PCGF1: variants seen among roughly 807,000 people sequenced by gnomAD.
The protein encoded by PCGF1 is polycomb group RING finger protein 1.
In PCGF1, 10 loss-of-function variants were observed where a neutral mutation model predicts 38.8. That is an observed-to-expected ratio of 0.26 (90% CI 0.16 to 0.44). PCGF1 has a LOEUF of 0.44. Among genes scored for constraint, PCGF1 ranks in the 20% least tolerant of loss-of-function variants. The probability of loss-of-function intolerance (pLI) is 1.00; values close to 1 mark genes in which losing one functional copy is unlikely to be tolerated. For synonymous variants in PCGF1, 119 were observed against 121.3 expected, an observed-to-expected ratio of 0.98 and a Z score of 0.12; for missense variants, 230 against 331.5, an observed-to-expected ratio of 0.69 and a Z score of 2.38.
chr2:74,506,520 G>C (rs1674638768), intron 3 of PCGF1: 1 of 632,896 alleles, frequency 1.6e-6, no homozygotes, highest in South Asian at 2.0e-5. Flanking sequence ...GGAGCTTGCA[G>C]TGAGCTGAGA....
At chr2:74,507,389 A>G in intron 1 of PCGF1, 187 bp downstream of exon 1, 1 of 1,453,880 alleles carries the variant, frequency 6.9e-7, no homozygotes. Flanking sequence ...AGACTACACA[A>G]CGTCGGCGAC....
chr2:74,507,258 C>CT, intron 1 of PCGF1, 111 bp from the exon 2 acceptor site: 1 of 1,488,462 alleles, frequency 6.7e-7, no homozygotes, highest in Non-Finnish European at 9.0e-7. Context: ...GCCCCGCGCC[C>CT]TGCGCCATCA....
intron 3 of PCGF1, chr2:74,506,473 G>A (rs920290123): frequency 5.9e-5 from 36 of 611,552 alleles, no homozygotes; most frequent in East Asian, 5.1e-4. Context: ...AGCTACTCAG[G>A]AGGCTGAGGC....
rs766007115 is a variant in PCGF1 at position 74,506,228 on chromosome 2, A to G, written c.377T>C (p.Phe126Ser). The G allele has an allele frequency of 6.2e-7, 1 of 1,614,162 alleles. No individual in the cohort carries two copies. Among genetic ancestry groups the G allele is most frequent in the South Asian group, 1.1e-5 (1 of 91,084 alleles). Residue 126 changes from phenylalanine to serine, a missense_variant, in exon 4 of 9, where the codon TTC becomes TCC. By Grantham distance (155) the Phe-to-Ser change is radical. This residue lies in a region of PCGF1 where 144 missense variants were observed against 182.4 expected (regional missense o/e 0.79). Coordinates refer to ENST00000233630, the MANE Select transcript of PCGF1 (RefSeq NM_032673.3). ...QDSEEKRIRE[F>S]YQSRGLDRVT... ...CCGGTCCAAACCTCGGGACTGGTAGAATTCCCGAATCCGTTTCTCTTCACC... is the reference window on the plus strand; with the variant it reads ...CCGGTCCAAACCTCGGGACTGGTAGGATTCCCGAATCCGTTTCTCTTCACC...
chr2:74,506,947 G>A (rs937253192), intron 2 of PCGF1, 63 bp from the exon 3 acceptor site: 4 of 1,608,304 alleles, frequency 2.5e-6, no homozygotes, highest in East Asian at 2.2e-5. Context: ...GCTGGGTGGG[G>A]TGCCTGGATG....
intron 1 of PCGF1, 139 bp downstream of exon 1, chr2:74,507,437 G>C (rs923703108): frequency 1.8e-5 from 27 of 1,466,282 alleles, no homozygotes; most frequent in Non-Finnish European, 2.3e-5. Context: ...TTGGCAACCC[G>C]ATCGCAACCA....
rs765652918 is a variant in PCGF1, at chr2:74,505,139, GC to G, written c.*3del. The stretch of plus-strand genomic sequence containing the variant: ...GGGAGTGGGATGGGGTGGGGGCTTG[GC>G]CCCTACCTCCTCTTCTCTTTCACAC... On this transcript the variant is annotated 3_prime_UTR_variant, in exon 9 of 9. Transcript: ENST00000233630. The G allele has an allele frequency of 2.0e-6, 3 of 1,500,698 alleles. No homozygotes were observed. The highest frequency in any genetic ancestry group is 2.3e-5 in the Admixed American group (1 of 42,596). 93.0% of individuals were successfully genotyped at this position (1,500,698 alleles called of 1,614,324 possible). A position where few individuals can be genotyped will look rare whatever the true frequency, so the allele number is the denominator to read the frequency against.
At position 74,505,100 on chromosome 2, in the gene PCGF1, T is replaced by C; in HGVS notation, c.*43A>G. The C allele has an allele frequency of 6.9e-7, 1 of 1,450,588 alleles. No homozygotes were observed. The allele number at this position is 1,450,588 out of a possible 1,614,324, so 89.9% of individuals were successfully genotyped here. A position where few individuals can be genotyped will look rare whatever the true frequency, so the allele number is the denominator to read the frequency against. Reference sequence around the variant, plus strand: ...AGCTGCAGTTCATTTCACATAAATATCTGGGGAGGGAAGGGGAGTGGGATG... The same window carrying C: ...AGCTGCAGTTCATTTCACATAAATACCTGGGGAGGGAAGGGGAGTGGGATG... On this transcript the variant is annotated 3_prime_UTR_variant, in exon 9 of 9. Coordinates refer to ENST00000233630, the MANE Select transcript of PCGF1 (RefSeq NM_032673.3).
chr2:74,507,639 C>A lies in PCGF1; in HGVS notation c.30G>T (p.Ala10=). The A allele has an allele frequency of 1.3e-6, 2 of 1,574,082 alleles. No homozygotes were observed. Among genetic ancestry groups the A allele is most frequent in the East Asian group, 2.4e-5 (1 of 42,120 alleles). ...GCTGGTTCCGAAGCCTCATCGCGATCGCAATCTGGCCCCCCTGAGGAGACG... is the reference window on the plus strand; with the variant it reads ...GCTGGTTCCGAAGCCTCATCGCGATAGCAATCTGGCCCCCCTGAGGAGACG... MASPQGGQI[A]IAMRLRNQLQ... The change falls in exon 1 of 9, where the codon GCG becomes GCT. Residue 10 remains alanine (A), a synonymous_variant. Coordinates refer to ENST00000233630, the MANE Select transcript of PCGF1 (RefSeq NM_032673.3).
rs1423334996 is a variant in PCGF1 at position 74,507,636 on chromosome 2, G to C, written c.33C>G (p.Ile11Met). The change falls in exon 1 of 9, where the codon ATC (isoleucine) becomes ATG (methionine). Residue 11 changes from isoleucine to methionine, a missense_variant. Ile to Met is a conservative substitution (Grantham distance 10). Around this residue, in one of 3 missense-constraint regions of PCGF1, gnomAD observed 46 missense variants for 35.9 expected, o/e 1.28. Coordinates refer to ENST00000233630, the MANE Select transcript of PCGF1 (RefSeq NM_032673.3). ...GGAGCTGGTTCCGAAGCCTCATCGC[G>C]ATCGCAATCTGGCCCCCCTGAGGAG... is the stretch of plus-strand genomic sequence containing the variant. MASPQGGQIA[I>M]AMRLRNQLQS... 2 of 1,577,232 alleles carry C rather than the reference G, an allele frequency of 1.3e-6. No homozygotes were observed. Among genetic ancestry groups the C allele is most frequent in the Non-Finnish European group, 1.7e-6 (2 of 1,162,038 alleles).
In PCGF1 at chr2:74,506,888, C is replaced by G. The variant is rs1674648409; in HGVS notation, c.200-4G>C. The G allele has an allele frequency of 6.2e-7, 1 of 1,614,134 alleles. No individual in the cohort carries two copies. Among genetic ancestry groups the G allele is most frequent in the Admixed American group, 1.7e-5 (1 of 60,020 alleles). On this transcript the variant is annotated splice_region_variant and splice_polypyrimidine_tract_variant and intron_variant, in intron 2 of 8. Coordinates refer to ENST00000233630, the MANE Select transcript of PCGF1 (RefSeq NM_032673.3). The stretch of plus-strand genomic sequence containing the variant: ...TTCACAATACAACTCTTGCAGACTG[C>G]AGGAAAAGAAAAGCAGATTCTCAGG...
chr2:74,506,289 C>G, intron 3 of PCGF1, 37 bp from the exon 4 acceptor site: 1 of 1,603,912 alleles, frequency 6.2e-7, no homozygotes, highest in Non-Finnish European at 8.5e-7. Context: ...AAGTATTAGC[C>G]CTTCGGGGCC....
rs1674592406 is a variant in PCGF1 at position 74,505,043 on chromosome 2, TG to T, written c.*99del. The T allele has an allele frequency of 7.9e-7, 1 of 1,267,950 alleles. No individual in the cohort carries two copies. The highest frequency in any genetic ancestry group is 3.1e-5 in the Admixed American group (1 of 31,936). 78.5% of individuals were successfully genotyped at this position (1,267,950 alleles called of 1,614,324 possible). ...CAGGAAGAATAAGGCAGAAGAGAGG[TG>T]CTTTTTAAAAGTTTTTATTTCAAAA... is the stretch of plus-strand genomic sequence containing the variant. On this transcript the variant is annotated 3_prime_UTR_variant, in exon 9 of 9. Coordinates refer to ENST00000233630, the MANE Select transcript of PCGF1 (RefSeq NM_032673.3).
rs79220597 is a variant in PCGF1, at chr2:74,506,926, T to C, written c.200-42A>G. On this transcript the variant is annotated intron_variant, in intron 2 of 8. Transcript: ENST00000233630. ...GCAGATTCTCAGGCCCTCTGGAAAC[T>C]GGATTCATGGGCTGGGTGGGGTGCC... 4,206 of 1,613,252 alleles carry C rather than the reference T, an allele frequency of 2.6e-3. 98 individuals are homozygous for C. In the African/African-American group the frequency reaches 0.049, roughly 19 times the overall value.
chr2:74,505,077 C>G lies in PCGF1; in HGVS notation c.*66G>C. 1 of 1,414,268 alleles carries G rather than the reference C, an allele frequency of 7.1e-7. No individual in the cohort carries two copies. Among genetic ancestry groups the G allele is most frequent in the East Asian group, 2.5e-5 (1 of 39,898 alleles). 87.6% of individuals were successfully genotyped at this position (1,414,268 alleles called of 1,614,324 possible). On this transcript the variant is annotated 3_prime_UTR_variant, in exon 9 of 9. Transcript: ENST00000233630. The stretch of plus-strand genomic sequence containing the variant: ...AAAGTTTTTATTTCAAAAAATAAAG[C>G]TGCAGTTCATTTCACATAAATATCT...
rs1046610162 is a variant in PCGF1, at chr2:74,507,684, C to T, written c.-16G>A. The T allele has an allele frequency of 1.3e-6, 2 of 1,551,648 alleles. No individual in the cohort carries two copies. The highest frequency in any genetic ancestry group is 2.4e-5 in the East Asian group (1 of 40,972). ...GAGACGCCATCTTAAAGGCTGATCC[C>T]AGCCGGCCACTTCCGGTGCCGCCTG... On this transcript the variant is annotated 5_prime_UTR_variant, in exon 1 of 9. Transcript: ENST00000233630.
Position 74,506,733 on chromosome 2 carries a change from G to A in PCGF1, c.351C>T (p.Asp117=), listed in dbSNP as rs772056238. Residue 117 remains aspartate, a splice_region_variant and synonymous_variant, in exon 3 of 9, where the codon GAC becomes GAT. Coordinates refer to ENST00000233630, the MANE Select transcript of PCGF1 (RefSeq NM_032673.3). ...CTCAAAGTCAGGTTGGTGACTCACTGTCTTGCAAGCCAGGCACCAGCTTAT... is the reference window on the plus strand; with the variant it reads ...CTCAAAGTCAGGTTGGTGACTCACTATCTTGCAAGCCAGGCACCAGCTTAT... ...IVYKLVPGLQ[D]SEEKRIREFY... The A allele has an allele frequency of 6.6e-5, 107 of 1,613,704 alleles. No individual in the cohort carries two copies. The highest frequency in any genetic ancestry group is 8.9e-5 in the Non-Finnish European group (105 of 1,179,908).
Position 74,505,828 on chromosome 2 carries a change from G to C in PCGF1, c.531-58C>G, listed in dbSNP as rs1039159343. 6.2e-6 allele frequency: 10 copies of C among 1,610,550 alleles called. No individual in the cohort carries two copies. In the Admixed American group the frequency reaches 1.7e-4, roughly 27 times the overall value. ...TATCTTTCCTCCTCTTCCCCACCCA[G>C]AGCCATGATATACTCTCTTCAAGGG... On this transcript the variant is annotated intron_variant, in intron 5 of 8. Coordinates refer to ENST00000233630, the MANE Select transcript of PCGF1 (RefSeq NM_032673.3).
rs2104317210 is a variant in PCGF1 at position 74,507,646 on chromosome 2, T to C, written c.23A>G (p.Gln8Arg). 1 of 1,569,142 alleles carries C rather than the reference T, an allele frequency of 6.4e-7. No individual in the cohort carries two copies. The highest frequency in any genetic ancestry group is 1.2e-5 in the South Asian group (1 of 85,198). ...CCGAAGCCTCATCGCGATCGCAATC[T>C]GGCCCCCCTGAGGAGACGCCATCTT... MASPQGG[Q>R]IAIAMRLRNQ... is the part of the protein sequence containing the mutation. The change falls in exon 1 of 9, where the codon CAG (glutamine) becomes CGG (arginine). Residue 8 changes from glutamine to arginine, a missense_variant. Around this residue, in one of 3 missense-constraint regions of PCGF1, gnomAD observed 46 missense variants for 35.9 expected, o/e 1.28. Transcript: ENST00000233630.
Sources: gnomAD v4.1 joint callset for allele counts on GRCh38, gnomAD v4.1.1 for gene constraint, gnomAD v4.1.1 regional missense constraint, MANE v1.5 for transcripts, NCBI Gene and HGNC (gene_info 2026-07-23, HGNC 2026-07-21) for gene names.